The following TBC1D22A variants were observed in gnomAD, a reference collection of about 807,000 sequenced individuals.
The protein encoded by TBC1D22A is putative GTPase activator.
A neutral mutation model predicts 60.2 loss-of-function variants in TBC1D22A; 38 were observed. That is an observed-to-expected ratio of 0.63 (90% CI 0.49 to 0.83). The LOEUF (loss-of-function observed/expected upper bound fraction) is 0.83, where lower values mean the gene tolerates loss of function less well. Among genes scored for constraint, TBC1D22A ranks in the 40% least tolerant of loss-of-function variants. The probability of loss-of-function intolerance (pLI) is 0.00; values close to 1 mark genes in which losing one functional copy is unlikely to be tolerated. For synonymous variants in TBC1D22A, 302 were observed against 281.7 expected, an observed-to-expected ratio of 1.07 and a Z score of -0.72; for missense variants, 628 against 701.0, an observed-to-expected ratio of 0.90 and a Z score of 1.18.
At chr22:47,130,535 C>T (rs975496396) in intron 12 of TBC1D22A, among the ~76,000 whole-genome samples, 10 of 152,210 alleles carry the variant, frequency 6.6e-5, no homozygotes, top group Non-Finnish European at 1.0e-4. Context: ...GCAGGCTTCG[C>T]GGGAATTTGC....
At chr22:46,801,911 C>T (rs1310004087) in intron 4 of TBC1D22A, among the ~76,000 whole-genome samples, 1 of 152,188 alleles carries the variant, frequency 6.6e-6, no homozygotes, top group African/African-American at 2.4e-5. Flanking sequence ...AGTTTGGAGC[C>T]GTACACCTTG....
intron 9 of TBC1D22A, among the ~76,000 whole-genome samples, chr22:46,986,131 T>C (rs182764298): frequency 2.6e-5 from 4 of 152,244 alleles, no homozygotes; most frequent in African/African-American, 9.6e-5. Context: ...TCTACAGATA[T>C]CCTGGTGAAC....
intron 4 of TBC1D22A, among the ~76,000 whole-genome samples, chr22:46,853,364 T>C (rs1371411378): frequency 1.3e-5 from 2 of 152,232 alleles, no homozygotes; most frequent in African/African-American, 4.8e-5. Flanking sequence ...TTCAGGATGT[T>C]CTACTCAACC....
chr22:46,949,333 C>T (rs1308142297), intron 8 of TBC1D22A, among the ~76,000 whole-genome samples: 1 of 152,214 alleles, frequency 6.6e-6, no homozygotes, highest in Non-Finnish European at 1.5e-5. Context: ...CTGAGTCATC[C>T]TCCCCATTCT....
chr22:47,135,893 C>T (rs1012807898), intron 12 of TBC1D22A, among the ~76,000 whole-genome samples: 10 of 152,166 alleles, frequency 6.6e-5, no homozygotes, highest in African/African-American at 1.9e-4. Flanking sequence ...ATTCGCCCAG[C>T]GCTTGTTCAC....
Position 46,912,569 on chromosome 22 carries a change from T to G in TBC1D22A, c.1015+381T>G, listed in dbSNP as rs376332652. On this transcript the variant is annotated intron_variant, in intron 8 of 12. Transcript: ENST00000337137. ...CTGTCTATCTGTTTATCTATCTGTTTATTTTGAGACGGAGTGTTGCTCTGC... is the reference window on the plus strand; with the variant it reads ...CTGTCTATCTGTTTATCTATCTGTTGATTTTGAGACGGAGTGTTGCTCTGC... Among the ~76,000 whole-genome samples, 47 of 152,324 alleles carry G rather than the reference T, an allele frequency of 3.1e-4. No individual in the cohort carries two copies. In the East Asian group the frequency reaches 4.6e-3, roughly 15 times the overall value.
chr22:46,842,217 G>A (rs1247167386), intron 4 of TBC1D22A, among the ~76,000 whole-genome samples: 1 of 152,204 alleles, frequency 6.6e-6, no homozygotes, highest in East Asian at 1.9e-4. Flanking sequence ...ATAACAAGCT[G>A]CTTTCTTTGG....
chr22:47,125,806 C>T (rs141221960), intron 12 of TBC1D22A, among the ~76,000 whole-genome samples: 216 of 152,310 alleles, frequency 1.4e-3, no homozygotes, highest in Admixed American at 3.1e-3. Context: ...GACCCGCATG[C>T]GGCAGGCCAA....
intron 10 of TBC1D22A, among the ~76,000 whole-genome samples, chr22:47,003,708 A>T (rs963520176): frequency 7.4e-6 from 1 of 135,874 alleles, no homozygotes; most frequent in African/African-American, 2.9e-5. Context: ...CCCTACACAC[A>T]TGCCTGTATA....
chr22:47,073,544 A>G (rs1357141391), intron 11 of TBC1D22A, among the ~76,000 whole-genome samples: 1 of 152,176 alleles, frequency 6.6e-6, no homozygotes, highest in Non-Finnish European at 1.5e-5. Flanking sequence ...GATTGTGTGT[A>G]CCCATAATCA....
At chr22:46,840,878 C>G (rs959184366) in intron 4 of TBC1D22A, among the ~76,000 whole-genome samples, 4 of 152,096 alleles carry the variant, frequency 2.6e-5, no homozygotes, top group African/African-American at 9.7e-5. Context: ...TAACACAGAA[C>G]TGTCAGATGA....
intron 4 of TBC1D22A, among the ~76,000 whole-genome samples, chr22:46,856,425 T>C (rs997855901): frequency 6.6e-6 from 1 of 152,250 alleles, no homozygotes; most frequent in African/African-American, 2.4e-5. Flanking sequence ...TATAAGAGGC[T>C]GACTGAGTCC....
Position 46,933,221 on chromosome 22 carries a change from C to T in TBC1D22A, c.1015+21033C>T, listed in dbSNP as rs377699106. ...TAGCAGGTGGCATTCTTCTCAGGAC[C>T]ACTTTCTCCAAATAAACAAAAGTTA... On this transcript the variant is annotated intron_variant, in intron 8 of 12. Coordinates refer to ENST00000337137, the MANE Select transcript of TBC1D22A (RefSeq NM_014346.5). Among the ~76,000 whole-genome samples, 47 of 152,264 alleles carry T rather than the reference C, an allele frequency of 3.1e-4. No individual in the cohort carries two copies. In the East Asian group the frequency reaches 4.6e-3, roughly 15 times the overall value.
At chr22:46,883,112 G>T (rs2067932043) in intron 5 of TBC1D22A, among the ~76,000 whole-genome samples, 1 of 152,150 alleles carries the variant, frequency 6.6e-6, no homozygotes, top group Non-Finnish European at 1.5e-5. Context: ...AAGTATTTCA[G>T]AAACGTGGCA....
At chr22:46,954,968 C>T (rs999635568) in intron 8 of TBC1D22A, among the ~76,000 whole-genome samples, 1 of 152,020 alleles carries the variant, frequency 6.6e-6, no homozygotes, top group African/African-American at 2.4e-5. Flanking sequence ...ATTTATAACC[C>T]ATGTCAGGAG....
intron 11 of TBC1D22A, among the ~76,000 whole-genome samples, chr22:47,084,294 C>G (rs946431765): frequency 4.6e-5 from 7 of 152,234 alleles, no homozygotes; most frequent in African/African-American, 1.7e-4. Context: ...CCCATCATTG[C>G]AGAATTCTTC....
intron 4 of TBC1D22A, among the ~76,000 whole-genome samples, chr22:46,867,494 C>A (rs978449079): frequency 2.0e-5 from 3 of 152,138 alleles, no homozygotes; most frequent in Non-Finnish European, 2.9e-5. Flanking sequence ...AAGTGGATAT[C>A]AAAGAAGCCC....
chr22:46,965,990 C>T (rs1009818483), intron 8 of TBC1D22A, among the ~76,000 whole-genome samples: 7 of 152,168 alleles, frequency 4.6e-5, no homozygotes, highest in Admixed American at 1.3e-4. Flanking sequence ...TCACACCTCC[C>T]GCAGCCATGG....
At chr22:46,985,768 C>T (rs983704087) in intron 9 of TBC1D22A, among the ~76,000 whole-genome samples, 2 of 152,226 alleles carry the variant, frequency 1.3e-5, no homozygotes, top group African/African-American at 2.4e-5. Context: ...GGCTGTTCCA[C>T]GTCAGAATGC....
Sources: gnomAD v4.1 joint callset for allele counts (sites outside exome capture counted in the v4.1 genomes callset) on GRCh38, gnomAD v4.1.1 for gene constraint, MANE v1.5 for transcripts, NCBI Gene and HGNC (gene_info 2026-07-23, HGNC 2026-07-21) for gene names.